CAMSAP2: variants seen among roughly 807,000 people sequenced by gnomAD.
CAMSAP2 encodes calmodulin regulated spectrin associated protein family member 2.
Under a neutral mutation model 146.1 loss-of-function variants are expected in CAMSAP2, and 26 were observed. The ratio of observed to expected loss-of-function variants is 0.18; its 90% confidence interval spans 0.13 to 0.25. The LOEUF is 0.25. Among genes scored for constraint, CAMSAP2 ranks in the 10% least tolerant of loss-of-function variants. CAMSAP2 has a pLI of 1.00. For missense variants in CAMSAP2, 1,381 were observed against 1,759.3 expected (o/e 0.78, Z 3.85); for synonymous variants, 499 against 596.6 (o/e 0.84, Z 2.38).
At chr1:200,784,312 A>T (rs1328898286) in intron 2 of CAMSAP2, among the ~76,000 whole-genome samples, 1 of 150,950 alleles carries the variant, frequency 6.6e-6, no homozygotes, top group African/African-American at 2.4e-5. Context: ...AATTTCTATT[A>T]AAAAAAAAGC....
intron 4 of CAMSAP2, among the ~76,000 whole-genome samples, chr1:200,816,086 G>A (rs770694840): frequency 6.6e-6 from 1 of 151,816 alleles, no homozygotes; most frequent in South Asian, 2.1e-4. Context: ...ATGAGGTTAG[G>A]AGTTCAAGAC....
chr1:200,837,393 G>A (rs1371250777), intron 6 of CAMSAP2, among the ~76,000 whole-genome samples: 3 of 152,020 alleles, frequency 2.0e-5, no homozygotes, highest in Admixed American at 2.0e-4. Context: ...AAGATCAGAT[G>A]GTTGTAGATA....
Position 200,849,805 on chromosome 1 carries a change from T to C in CAMSAP2, c.3036T>C (p.Val1012=). The change falls in exon 11 of 17, where the codon GTT becomes GTC. Residue 1012 remains valine, a synonymous_variant. Coordinates refer to ENST00000358823, the MANE Select transcript of CAMSAP2 (RefSeq NM_203459.4). The surrounding 1 kb of genome is among the most constrained non-coding windows in gnomAD (Gnocchi z 6.3). ...TAAGGAGGTTTTCACCAAGTCAAGT[T>C]CCTATTCAAACTAGGTCATTTGTAT... ...PRLRRFSPSQ[V]PIQTRSFVCF... is the part of the protein sequence containing the mutation. 6.2e-7 allele frequency: 1 copy of C among 1,614,238 alleles called. No homozygotes were observed. The highest frequency in any genetic ancestry group is 8.5e-7 in the Non-Finnish European group (1 of 1,180,042).
At chr1:200,804,346 C>T (rs577883224) in intron 2 of CAMSAP2, among the ~76,000 whole-genome samples, 18 of 152,160 alleles carry the variant, frequency 1.2e-4, no homozygotes, top group African/African-American at 3.6e-4. Context: ...ATATTGTACA[C>T]ATTTCCCTTA....
chr1:200,796,759 G>A (rs576587508), intron 2 of CAMSAP2, among the ~76,000 whole-genome samples: 68 of 151,200 alleles, frequency 4.5e-4, no homozygotes, highest in African/African-American at 1.1e-3. Context: ...CCATGCTGGT[G>A]CACTGCACCC....
At position 200,832,812 on chromosome 1, in the gene CAMSAP2, G is replaced by A. The variant is rs1667078099; in HGVS notation, c.894G>A (p.Leu298=). The change falls in exon 6 of 17, where the codon CTG becomes CTA. Residue 298 remains leucine (L), a synonymous_variant. Coordinates refer to ENST00000358823, the MANE Select transcript of CAMSAP2 (RefSeq NM_203459.4). The surrounding 1 kb of genome is among the most constrained non-coding windows in gnomAD (Gnocchi z 4.2). ...TGAACCAGTGTTGCCATTTCACTCT[G>A]GAAGATATGCTCTATGCTGCTTCAT... ...EYLNQCCHFT[L]EDMLYAASSI... The A allele has an allele frequency of 6.2e-7, 1 of 1,610,500 alleles. No homozygotes were observed.
intron 2 of CAMSAP2, among the ~76,000 whole-genome samples, chr1:200,800,985 GC>G (rs1180302080): frequency 2.0e-5 from 3 of 152,012 alleles, no homozygotes; most frequent in Admixed American, 6.6e-5. Context: ...GAAGGTTGAG[GC>G]CTGACGCAGT....
chr1:200,743,339 T>C (rs1664230559), intron 1 of CAMSAP2, among the ~76,000 whole-genome samples: 1 of 152,228 alleles, frequency 6.6e-6, no homozygotes, highest in Non-Finnish European at 1.5e-5. Context: ...TTTAGTGATA[T>C]AAAATATTTC....
intron 2 of CAMSAP2, among the ~76,000 whole-genome samples, chr1:200,788,275 A>T (rs76364860): frequency 0.036 from 5,466 of 152,346 alleles, 147 homozygotes; most frequent in Non-Finnish European, 0.055. Context: ...AAAAATTCAT[A>T]TATCAACTGA....
At chr1:200,767,699 C>G in intron 2 of CAMSAP2, among the ~76,000 whole-genome samples, 1 of 152,116 alleles carries the variant, frequency 6.6e-6, no homozygotes, top group East Asian at 1.9e-4. Flanking sequence ...GAGTGGCTTG[C>G]AAATTTATAA....
At chr1:200,787,945 G>C (rs899269103) in intron 2 of CAMSAP2, among the ~76,000 whole-genome samples, 1 of 152,092 alleles carries the variant, frequency 6.6e-6, no homozygotes, top group African/African-American at 2.4e-5. Flanking sequence ...AATTAAGTTA[G>C]GTACATTGGT....
chr1:200,828,823 CT>C (rs1666969656), intron 4 of CAMSAP2, among the ~76,000 whole-genome samples: 1 of 151,920 alleles, frequency 6.6e-6, no homozygotes, highest in Admixed American at 6.6e-5. Flanking sequence ...TGTTGCTAAT[CT>C]TGTCAGTATT....
intron 2 of CAMSAP2, among the ~76,000 whole-genome samples, chr1:200,801,670 T>C (rs1362508301): frequency 1.3e-5 from 2 of 152,204 alleles, no homozygotes; most frequent in Non-Finnish European, 2.9e-5. Flanking sequence ...TCATGCTTTA[T>C]TTTATTAAGT....
Position 200,853,494 on chromosome 1 carries a change from A to G in CAMSAP2, c.3822A>G (p.Pro1274=). 6.2e-7 allele frequency: 1 copy of G among 1,600,158 alleles called. No individual in the cohort carries two copies. Residue 1274 remains proline (P), a splice_region_variant and synonymous_variant, in exon 13 of 17, where the codon CCA becomes CCG. Coordinates refer to ENST00000358823, the MANE Select transcript of CAMSAP2 (RefSeq NM_203459.4). This position sits in a 1 kb window ranked among gnomAD's most constrained non-coding sequence, Gnocchi z 5.1. ...CCAAAACACCAATAAAGGGTCCTCC[A>G]GGTAACATAGCTTATTATGAAGAGT... ...ESPKTPIKGP[P]VSSLSLASLN... is the part of the protein sequence containing the mutation.
intron 2 of CAMSAP2, among the ~76,000 whole-genome samples, chr1:200,769,713 G>A (rs1051313494): frequency 1.3e-5 from 2 of 152,204 alleles, no homozygotes; most frequent in Non-Finnish European, 1.5e-5. Context: ...TTTAGGGCAA[G>A]GTATGGGAGA....
intron 2 of CAMSAP2, among the ~76,000 whole-genome samples, chr1:200,775,805 A>G (rs1184842108): frequency 6.6e-6 from 1 of 152,186 alleles, no homozygotes; most frequent in East Asian, 1.9e-4. Context: ...TGCTGGGATT[A>G]TGGGCATGAG....
intron 4 of CAMSAP2, among the ~76,000 whole-genome samples, chr1:200,827,083 AT>A (rs1002708875): frequency 2.0e-5 from 3 of 152,120 alleles, no homozygotes; most frequent in African/African-American, 7.2e-5. Context: ...TAGTATATTT[AT>A]TTGTTCTTTT....
intron 1 of CAMSAP2, among the ~76,000 whole-genome samples, chr1:200,750,340 G>C (rs1664464197): frequency 6.6e-6 from 1 of 152,130 alleles, no homozygotes; most frequent in African/African-American, 2.4e-5. Flanking sequence ...CGGCTCGATG[G>C]ATTGTGGTGT....
chr1:200,752,215 C>T (rs951228086), intron 1 of CAMSAP2, among the ~76,000 whole-genome samples: 3 of 152,028 alleles, frequency 2.0e-5, no homozygotes, highest in African/African-American at 7.2e-5. Flanking sequence ...TTATTATTTA[C>T]AAAAGAATTA....
Sources: gnomAD v4.1 joint callset for allele counts (sites outside exome capture counted in the v4.1 genomes callset) on GRCh38, gnomAD v4.1.1 for gene constraint, Gnocchi (gnomAD v3.1) non-coding constraint, MANE v1.5 for transcripts, NCBI Gene and HGNC (gene_info 2026-07-23, HGNC 2026-07-21) for gene names.